The following ST14 variants were observed in gnomAD, a reference collection of about 807,000 sequenced individuals.
ST14 encodes ST14 transmembrane serine protease matriptase, also known as suppressor of tumorigenicity 14 protein.
A neutral mutation model predicts 96.5 loss-of-function variants in ST14; 40 were observed. The ratio of observed to expected loss-of-function variants is 0.41; its 90% confidence interval spans 0.32 to 0.54. The LOEUF (loss-of-function observed/expected upper bound fraction) is 0.54. Among genes scored for constraint, ST14 ranks in the 20% least tolerant of loss-of-function variants. The pLI, the probability that ST14 is intolerant of heterozygous loss-of-function variation, is 0.17. For synonymous variants in ST14, 506 were observed against 492.1 expected (o/e 1.03, Z -0.37); for missense variants, 1,066 against 1,188.9 (o/e 0.90, Z 1.52).
Position 130,188,894 on chromosome 11 carries a change from C to G in ST14, c.395C>G (p.Pro132Arg). The change falls in exon 4 of 19, where the codon CCA (proline) becomes CGA (arginine). Residue 132 changes from proline to arginine, a missense_variant. Pro to Arg is a moderately radical substitution (Grantham distance 103). Transcript: ENST00000278742. This position sits in a 1 kb window ranked among gnomAD's most constrained non-coding sequence, Gnocchi z 5.4. Reference sequence around the variant, plus strand: ...CTGAAGCTGCTGTACAGCGGAGTCCCATTCCTGGGCCCCTACCACAAGGAG... The same window carrying G: ...CTGAAGCTGCTGTACAGCGGAGTCCGATTCCTGGGCCCCTACCACAAGGAG... ...DALKLLYSGV[P>R]FLGPYHKESA... The G allele has an allele frequency of 1.2e-6, 2 of 1,613,038 alleles. No individual in the cohort carries two copies. The highest frequency in any genetic ancestry group is 8.5e-7 in the Non-Finnish European group (1 of 1,179,678).
At chr11:130,202,453 A>G (rs938613800) in intron 16 of ST14, among the ~76,000 whole-genome samples, 1 of 152,128 alleles carries the variant, frequency 6.6e-6, no homozygotes, top group Non-Finnish European at 1.5e-5. Context: ...CAGCATGTGG[A>G]GTTTAGAATT....
intron 4 of ST14, chr11:130,189,377 G>A: frequency 4.4e-6 from 2 of 455,740 alleles, no homozygotes; most frequent in South Asian, 4.8e-5. Context: ...CCTGGGGAAT[G>A]CTGTGTGGCA....
intron 1 of ST14, among the ~76,000 whole-genome samples, chr11:130,186,060 G>T (rs544478312): frequency 6.6e-6 from 1 of 152,080 alleles, no homozygotes; most frequent in Non-Finnish European, 1.5e-5. Context: ...CACCTGCCTC[G>T]GCCTCCCAAA....
intron 16 of ST14, among the ~76,000 whole-genome samples, chr11:130,203,647 T>C (rs111794292): frequency 0.059 from 9,026 of 152,220 alleles, 336 homozygotes; most frequent in Middle Eastern, 0.095. Context: ...TAAATGTGCC[T>C]TTGCTCTTTT....
chr11:130,208,362 G>T, intron 16 of ST14, 48 bp from the exon 17 acceptor site: 1 of 1,613,322 alleles, frequency 6.2e-7, no homozygotes, highest in South Asian at 1.1e-5. Flanking sequence ...GAGGCCGTGT[G>T]CACAGACCCG....
At chr11:130,186,097 T>A (rs1024717636) in intron 1 of ST14, among the ~76,000 whole-genome samples, 1 of 152,218 alleles carries the variant, frequency 6.6e-6, no homozygotes, top group African/African-American at 2.4e-5. Context: ...CGTGAGCCAC[T>A]GCACCCAGCT....
chr11:130,163,822 G>A (rs947630705), intron 1 of ST14, among the ~76,000 whole-genome samples: 2 of 152,206 alleles, frequency 1.3e-5, no homozygotes, highest in African/African-American at 2.4e-5. Context: ...CCCCTAGTTT[G>A]ATGGCTGCCT....
intron 1 of ST14, among the ~76,000 whole-genome samples, chr11:130,174,236 C>A (rs1953117166): frequency 6.6e-6 from 1 of 152,138 alleles, no homozygotes; most frequent in African/African-American, 2.4e-5. Context: ...GGGCCCACAG[C>A]CAGGTGAGGG....
At position 130,194,856 on chromosome 11, in the gene ST14, GTGTGTGTGTGTGTGTGTGTGCGTA is replaced by G; in HGVS notation, c.1113+132_1113+155del. 9.1e-5 allele frequency: 9 copies of G among 98,756 alleles called. 1 individual carries two copies. Among genetic ancestry groups the G allele is most frequent in the Non-Finnish European group, 1.4e-4 (9 of 62,346 alleles). The allele number at this position is 98,756 out of a possible 1,614,324, so 6.1% of individuals were successfully genotyped here. On this transcript the variant is annotated intron_variant, in intron 9 of 18. Transcript: ENST00000278742. The stretch of plus-strand genomic sequence containing the variant: ...CATGTGTTTGCATATGTGTGCATGT[GTGTGTGTGTGTGTGTGTGTGCGTA>G]TGTGTGTGTGTGAGACAGAGGTGGA...
chr11:130,175,809 G>T (rs544192303), intron 1 of ST14, among the ~76,000 whole-genome samples: 1 of 152,020 alleles, frequency 6.6e-6, no homozygotes, highest in Admixed American at 6.6e-5. Context: ...GACTACAGGC[G>T]TGTGCCACCA....
chr11:130,187,434 G>A lies in ST14; in HGVS notation c.82-680G>A, dbSNP rs1044398060. Among the ~76,000 whole-genome samples, 37 of 152,276 alleles carry A rather than the reference G, an allele frequency of 2.4e-4. No individual in the cohort carries two copies. The highest frequency in any genetic ancestry group is 8.2e-4 in the African/African-American group (34 of 41,544). Reference sequence around the variant, plus strand: ...TTGCTTTTCCCTCTGTTGGGGCTGCGCGTGGGTGTGGATTCCCACAGTGGG... The same window carrying A: ...TTGCTTTTCCCTCTGTTGGGGCTGCACGTGGGTGTGGATTCCCACAGTGGG... On this transcript the variant is annotated intron_variant, in intron 1 of 18. Transcript: ENST00000278742. The surrounding 1 kb of genome is among the most constrained non-coding windows in gnomAD (Gnocchi z 4.5).
rs551268246 is a variant in ST14 at position 130,183,826 on chromosome 11, A to T, written c.82-4288A>T. On this transcript the variant is annotated intron_variant, in intron 1 of 18. Coordinates refer to ENST00000278742, the MANE Select transcript of ST14 (RefSeq NM_021978.4). ...CTGATATGCCAGTACAAAGACAGCT[A>T]CGGGAGTGTTTCTAGCAGCTCTGTT... is the stretch of plus-strand genomic sequence containing the variant. 1.6e-3 allele frequency among the ~76,000 whole-genome samples: 243 copies of T among 152,324 alleles called. 2 individuals carry two copies. The highest frequency in any genetic ancestry group is 2.9e-3 in the Non-Finnish European group (199 of 68,036).
Position 130,190,477 on chromosome 11 carries a change from GC to G in ST14, c.661del (p.Arg221AlafsTer5). ...QDNSCSFGLHARGVELMRFTT... is the reference protein window; with the variant it reads ...QDNSCSFGLHXRGVELMRFTT... ...AGACAGCTGCAGCTTTGGCCTGCAC[GC>G]CCGCGGTGTGGAGCTGATGCGCTTC... On this transcript the variant is annotated frameshift_variant, in exon 7 of 19. Coordinates refer to ENST00000278742, the MANE Select transcript of ST14 (RefSeq NM_021978.4). LOFTEE classifies it high-confidence loss of function. The G allele has an allele frequency of 6.2e-7, 1 of 1,607,460 alleles. No homozygotes were observed. The highest frequency in any genetic ancestry group is 8.5e-7 in the Non-Finnish European group (1 of 1,179,882).
rs748084680 is a variant in ST14, at chr11:130,209,449, C to A, written c.2277C>A (p.Gly759=). The A allele has an allele frequency of 2.2e-5, 35 of 1,582,268 alleles. No individual in the cohort carries two copies. The Admixed American group carries it at 3.1e-4, about 14-fold the overall frequency. Residue 759 remains glycine (G), a synonymous_variant, in exon 18 of 19, where the codon GGC becomes GGA. Coordinates refer to ENST00000278742, the MANE Select transcript of ST14 (RefSeq NM_021978.4). ...GWGHTQYGGT[G]ALILQKGEIR... ...GTCCTGCCCTCTCCCCAGGCACTGG[C>A]GCGCTGATCCTGCAAAAGGGTGAGA...
chr11:130,209,252 G>A (rs1308589868), intron 17 of ST14, among the ~76,000 whole-genome samples, 190 bp from the exon 18 acceptor site: 5 of 152,108 alleles, frequency 3.3e-5, no homozygotes, highest in Non-Finnish European at 5.9e-5. Flanking sequence ...GCAGATCTCA[G>A]CATGCCCCTG....
At position 130,199,026 on chromosome 11, in the gene ST14, C is replaced by A; in HGVS notation, c.1764C>A (p.Asp588Glu). 6.2e-7 allele frequency: 1 copy of A among 1,613,972 alleles called. No individual in the cohort carries two copies. The highest frequency in any genetic ancestry group is 8.5e-7 in the Non-Finnish European group (1 of 1,179,964). The change falls in exon 15 of 19, where the codon GAC (aspartate) becomes GAA (glutamate). Residue 588 changes from aspartate (D) to glutamate (E), a missense_variant. Physicochemically the swap from Asp to Glu is conservative, Grantham distance 45. Coordinates refer to ENST00000278742, the MANE Select transcript of ST14 (RefSeq NM_021978.4). Reference protein sequence around the residue: ...LCLSKGNPECDGKEDCSDGSD... With the variant: ...LCLSKGNPECEGKEDCSDGSD... ...TGAGCAAGGGCAACCCTGAGTGTGACGGGAAGGAGGACTGTAGCGACGGCT... is the reference window on the plus strand; with the variant it reads ...TGAGCAAGGGCAACCCTGAGTGTGAAGGGAAGGAGGACTGTAGCGACGGCT...
Position 130,208,494 on chromosome 11 carries a change from G to A in ST14, c.2079G>A (p.Arg693=), listed in dbSNP as rs199933389. Residue 693 remains arginine (R), a synonymous_variant, in exon 17 of 19, where the codon AGG becomes AGA. Coordinates refer to ENST00000278742, the MANE Select transcript of ST14 (RefSeq NM_021978.4). The part of the protein sequence containing the change: ...QRSAPGVQER[R]LKRIISHPFF... ...GCGCCCCTGGGGTGCAGGAGCGCAG[G>A]CTCAAGCGCATCATCTCCCACCCCT... 1.3e-5 allele frequency: 21 copies of A among 1,614,234 alleles called. No homozygotes were observed. In the East Asian group the frequency reaches 4.2e-4, roughly 33 times the overall value.
At chr11:130,191,215 G>A (rs767767824) in intron 7 of ST14, among the ~76,000 whole-genome samples, 12 of 152,074 alleles carry the variant, frequency 7.9e-5, no homozygotes, top group Middle Eastern at 3.2e-3. Flanking sequence ...GTGTGGTGGC[G>A]CATGCCTACT....
chr11:130,202,550 G>A (rs1953440312), intron 16 of ST14, among the ~76,000 whole-genome samples: 1 of 152,230 alleles, frequency 6.6e-6, no homozygotes, highest in South Asian at 2.1e-4. Flanking sequence ...AGGTGAGGGT[G>A]TCTGTCAGCT....
Sources: gnomAD v4.1 joint callset for allele counts (sites outside exome capture counted in the v4.1 genomes callset) on GRCh38, gnomAD v4.1.1 for gene constraint, Gnocchi (gnomAD v3.1) non-coding constraint, MANE v1.5 for transcripts, NCBI Gene and HGNC (gene_info 2026-07-23, HGNC 2026-07-21) for gene names.